ENOX2: variants seen among roughly 807,000 people sequenced by gnomAD.
ENOX2 encodes APK1 antigen.
Under a neutral mutation model 45.0 loss-of-function variants are expected in ENOX2, and 36 were observed. The observed-to-expected ratio is 0.80, with a 90% CI of 0.61 to 1.06. The LOEUF is 1.06. Among genes scored for constraint, ENOX2 ranks in the 50% least tolerant of loss-of-function variants. The pLI, the probability that ENOX2 is intolerant of heterozygous loss-of-function variation, is 0.00. For synonymous variants in ENOX2, 174 were observed against 152.3 expected (o/e 1.14, Z -1.05); for missense variants, 423 against 462.5 (o/e 0.91, Z 0.78).
At chrX:130,702,973 A>T in intron 4 of ENOX2, 147 bp downstream of exon 4, 1 of 568,603 alleles carries the variant, frequency 1.8e-6, no homozygotes, top group South Asian at 3.8e-5. Flanking sequence ...CTGGCCACCC[A>T]GACTATAAAG....
chrX:130,886,936 T>G (rs1007868214), intron 2 of ENOX2, among the ~76,000 whole-genome samples: 1 of 112,201 alleles, frequency 8.9e-6, no homozygotes, highest in African/African-American at 3.2e-5. Flanking sequence ...ATACTACCAG[T>G]TGCAGACATA....
At chrX:130,901,294 C>T (rs183992083) in intron 2 of ENOX2, among the ~76,000 whole-genome samples, 61 of 112,640 alleles carry the variant, frequency 5.4e-4, no homozygotes, top group African/African-American at 2.0e-3. Context: ...AGTCAGAAAT[C>T]TGTACACCCA....
rs1308086503 is a variant in ENOX2 at position 130,827,505 on chromosome X, C to T, written c.-182-43815G>A. 2.7e-5 allele frequency among the ~76,000 whole-genome samples: 3 copies of T among 111,481 alleles called. No individual in the cohort carries two copies. The Admixed American group carries it at 2.9e-4, about 11-fold the overall frequency. On this transcript the variant is annotated intron_variant, in intron 2 of 14. Transcript: ENST00000394363. Reference sequence around the variant, plus strand: ...ACAATCCCCCATTACAGTACTTAAACTTTTTAAAGAGTCTGTTGTCTTCCT... The same window carrying T: ...ACAATCCCCCATTACAGTACTTAAATTTTTTAAAGAGTCTGTTGTCTTCCT...
intron 3 of ENOX2, among the ~76,000 whole-genome samples, chrX:130,734,576 A>T (rs1007479875): frequency 1.8e-5 from 2 of 111,830 alleles, no homozygotes; most frequent in Non-Finnish European, 3.8e-5. Context: ...TTGGGCATCA[A>T]TTTACCTATC....
At chrX:130,810,791 A>C (rs1016281498) in intron 2 of ENOX2, among the ~76,000 whole-genome samples, 1 of 112,110 alleles carries the variant, frequency 8.9e-6, no homozygotes, top group African/African-American at 3.2e-5. Context: ...GGCCTATCCC[A>C]GTAGACCCAA....
intron 3 of ENOX2, among the ~76,000 whole-genome samples, 198 bp downstream of exon 3, chrX:130,783,345 CTCTA>C (rs2076922503): frequency 8.9e-6 from 1 of 111,910 alleles, no homozygotes; most frequent in Non-Finnish European, 1.9e-5. Context: ...ACTGATGATA[CTCTA>C]TCTAATTATC....
At chrX:130,777,396 G>A (rs184597516) in intron 3 of ENOX2, among the ~76,000 whole-genome samples, 10 of 108,666 alleles carry the variant, frequency 9.2e-5, no homozygotes, top group Admixed American at 8.8e-4. Flanking sequence ...CTACTCGGGG[G>A]GAGCTGAGGC....
intron 3 of ENOX2, among the ~76,000 whole-genome samples, chrX:130,714,649 G>A (rs777824086): frequency 1.8e-5 from 2 of 111,861 alleles, no homozygotes; most frequent in East Asian, 5.6e-4. Flanking sequence ...GATACATTCT[G>A]AATATTAATT....
chrX:130,832,796 A>C (rs1294328659), intron 2 of ENOX2, among the ~76,000 whole-genome samples: 1 of 110,582 alleles, frequency 9.0e-6, no homozygotes, highest in Non-Finnish European at 1.9e-5. Context: ...TTAGGGACTC[A>C]AATTCCAACT....
chrX:130,805,918 T>C (rs1338997596), intron 2 of ENOX2, among the ~76,000 whole-genome samples: 3 of 112,014 alleles, frequency 2.7e-5, no homozygotes, highest in South Asian at 7.5e-4. Context: ...GGCTTTACTA[T>C]AAGGAAACAA....
At chrX:130,715,572 T>C (rs1202229485) in intron 3 of ENOX2, among the ~76,000 whole-genome samples, 1 of 110,595 alleles carries the variant, frequency 9.0e-6, no homozygotes, top group Non-Finnish European at 1.9e-5. Flanking sequence ...AATGACTGTT[T>C]TTTTTTTTTT....
Position 130,670,056 on chromosome X carries a change from T to C in ENOX2, c.603A>G (p.Arg201=), listed in dbSNP as rs1287697768. 1 of 1,210,946 alleles carries C rather than the reference T, an allele frequency of 8.3e-7. No individual in the cohort carries two copies. The highest frequency in any genetic ancestry group is 1.1e-6 in the Non-Finnish European group (1 of 894,829). ...GTGGACGCAATCTTTCTTCTTCCATTCTTCTACGATGGCGCTCCTCTCTGG... is the reference window on the plus strand; with the variant it reads ...GTGGACGCAATCTTTCTTCTTCCATCCTTCTACGATGGCGCTCCTCTCTGG... The part of the protein sequence containing the change: ...MLAREERHRR[R]MEEERLRPPS... Residue 201 remains arginine, a synonymous_variant, in exon 7 of 15, where the codon AGA becomes AGG. Coordinates refer to ENST00000394363, the MANE Select transcript of ENOX2 (RefSeq NM_006375.4).
rs2035713696 is a variant in ENOX2, at chrX:130,631,457, A to T, written c.1528+11T>A. ...GCATTGTACGTGGCATGTGTGCATT[A>T]GCTTCCTTACCCACTAGCAGTGCTT... On this transcript the variant is annotated intron_variant, in intron 13 of 14. Transcript: ENST00000394363. 9.6e-7 allele frequency: 1 copy of T among 1,037,398 alleles called. No homozygotes were observed. 85.5% of individuals were successfully genotyped at this position (1,037,398 alleles called of 1,213,427 possible).
chrX:130,686,821 C>T (rs2037460657), intron 5 of ENOX2, among the ~76,000 whole-genome samples: 1 of 112,375 alleles, frequency 8.9e-6, no homozygotes, highest in Non-Finnish European at 1.9e-5. Flanking sequence ...GCAAACAGAA[C>T]ACCAGTTTAC....
chrX:130,724,665 A>C (rs2038563890), intron 3 of ENOX2, among the ~76,000 whole-genome samples: 1 of 112,382 alleles, frequency 8.9e-6, no homozygotes, highest in Non-Finnish European at 1.9e-5. Flanking sequence ...GAGACTGACT[A>C]GACAGTTACA....
chrX:130,722,694 TA>T (rs1419470275), intron 3 of ENOX2, among the ~76,000 whole-genome samples: 1 of 112,180 alleles, frequency 8.9e-6, no homozygotes, highest in Non-Finnish European at 1.9e-5. Flanking sequence ...CCATAGCCTT[TA>T]TTCATATGAC....
chrX:130,793,548 C>T (rs913402102), intron 2 of ENOX2, among the ~76,000 whole-genome samples: 3 of 111,874 alleles, frequency 2.7e-5, no homozygotes, highest in African/African-American at 9.7e-5. Flanking sequence ...TCTGTTCCAT[C>T]TGGGTGCTGT....
At position 130,795,210 on chromosome X, in the gene ENOX2, C is replaced by G. The variant is rs929421894; in HGVS notation, c.-182-11520G>C. The stretch of plus-strand genomic sequence containing the variant: ...TTAAAGATCCATACTTTTCCTATAA[C>G]AATTTCTCCTAGGAGTATCAATACA... On this transcript the variant is annotated intron_variant, in intron 2 of 14. Transcript: ENST00000394363. 3.6e-5 allele frequency among the ~76,000 whole-genome samples: 4 copies of G among 112,050 alleles called. No homozygotes were observed. The South Asian group carries it at 1.5e-3, about 41-fold the overall frequency.
chrX:130,850,723 TTA>T (rs1325172146), intron 2 of ENOX2, among the ~76,000 whole-genome samples: 2 of 112,439 alleles, frequency 1.8e-5, no homozygotes, highest in African/African-American at 6.5e-5. Context: ...CGAACACGTT[TTA>T]TATGTTTACA....
Sources: allele counts gnomAD v4.1 joint callset (sites outside exome capture counted in the v4.1 genomes callset), GRCh38; gene constraint gnomAD v4.1.1; transcripts MANE v1.5; gene names NCBI Gene and HGNC (gene_info 2026-07-23, HGNC 2026-07-21).